NSUN7: variants seen among roughly 807,000 people sequenced by gnomAD.
NSUN7 encodes the protein NOP2/Sun RNA methyltransferase family member 7, also known as protein NSUN7.
NSUN7 carries 39 observed loss-of-function variants against 58.5 expected under a neutral mutation model. That is an observed-to-expected ratio of 0.67 (90% confidence interval 0.52 to 0.87). The LOEUF is 0.87. NSUN7 is among the 40% of genes least tolerant of loss of function. The pLI, the probability that NSUN7 is intolerant of heterozygous loss-of-function variation, is 0.00. For synonymous variants in NSUN7, 278 were observed against 303.7 expected (o/e 0.92, Z 0.88); for missense variants, 765 against 844.1 (o/e 0.91, Z 1.16).
rs543015200 is a variant in NSUN7 at position 40,776,736 on chromosome 4, C to T, written c.1036+477C>T. ...GCTCAAGAGGTCCTCCAACCTCAGC[C>T]TCCCAAGTAGCTGTGACTACAGGCT... On this transcript the variant is annotated intron_variant, in intron 7 of 11. Coordinates refer to ENST00000381782, the MANE Select transcript of NSUN7 (RefSeq NM_024677.6). 2.0e-5 allele frequency among the ~76,000 whole-genome samples: 3 copies of T among 152,108 alleles called. No individual in the cohort carries two copies. The East Asian group carries it at 5.8e-4, about 29-fold the overall frequency.
At chr4:40,801,901 CAAAA>C (rs56868885) in intron 10 of NSUN7, among the ~76,000 whole-genome samples, 1 of 107,406 alleles carries the variant, frequency 9.3e-6, no homozygotes, top group East Asian at 2.7e-4. Context: ...GACTCTGTCT[CAAAA>C]AAAAAAAAAA....
chr4:40,754,030 T>C (rs1337337639), intron 2 of NSUN7, among the ~76,000 whole-genome samples: 1 of 152,200 alleles, frequency 6.6e-6, no homozygotes, highest in African/African-American at 2.4e-5. Flanking sequence ...AGCATAAAAA[T>C]GGACTAATAC....
chr4:40,788,368 A>C (rs1036940474), intron 7 of NSUN7, among the ~76,000 whole-genome samples: 9 of 152,248 alleles, frequency 5.9e-5, no homozygotes, highest in African/African-American at 2.2e-4. Context: ...AAAGAAATCT[A>C]AAAGCCAATT....
rs545916108 is a variant in NSUN7 at position 40,750,913 on chromosome 4, C to A, written c.220C>A (p.Pro74Thr). Residue 74 changes from proline (P) to threonine (T), a missense_variant, in exon 2 of 12, where the codon CCC (proline) becomes ACC (threonine). Pro to Thr is a conservative substitution (Grantham distance 38, BLOSUM62 -1). Coordinates refer to ENST00000381782, the MANE Select transcript of NSUN7 (RefSeq NM_024677.6). Reference sequence around the variant, plus strand: ...AGTCTTAATCAAGTATGGGAATGAACCCCTGCGGTCCTTGTCCGAGTCTGA... The same window carrying A: ...AGTCTTAATCAAGTATGGGAATGAAACCCTGCGGTCCTTGTCCGAGTCTGA... ...QKVLIKYGNE[P>T]LRSLSESEDQ... 4.3e-6 allele frequency: 7 copies of A among 1,614,064 alleles called. 1 individual carries two copies. In the Middle Eastern group the frequency reaches 4.9e-4, roughly 114 times the overall value.
intron 8 of NSUN7, among the ~76,000 whole-genome samples, chr4:40,792,763 A>AAAG (rs34948504): frequency 0.51 from 77,182 of 150,644 alleles, 20,015 homozygotes; most frequent in Admixed American, 0.61. Context: ...TAAAAAAAAA[A>AAAG]AAGTTGTCGT....
chr4:40,786,743 T>C lies in NSUN7; in HGVS notation c.1037-3859T>C, dbSNP rs1021156082. 5.3e-6 allele frequency: 8 copies of C among 1,522,174 alleles called. No homozygotes were observed. In the Admixed American group the frequency reaches 1.6e-4, roughly 30 times the overall value. The allele number at this position is 1,522,174 out of a possible 1,614,324, so 94.3% of individuals were successfully genotyped here. A position where few individuals can be genotyped will look rare whatever the true frequency, so the allele number is the denominator to read the frequency against. ...CAATACCTATTATATCTGTGTGGAGTAGGTTTTCTCTGGTCTGATTTTGAC... is the reference window on the plus strand; with the variant it reads ...CAATACCTATTATATCTGTGTGGAGCAGGTTTTCTCTGGTCTGATTTTGAC... On this transcript the variant is annotated intron_variant, in intron 7 of 11. Transcript: ENST00000381782.
chr4:40,783,191 T>C (rs1357150246), intron 7 of NSUN7, among the ~76,000 whole-genome samples: 6 of 152,176 alleles, frequency 3.9e-5, no homozygotes, highest in Non-Finnish European at 7.3e-5. Flanking sequence ...TGGAACAAAA[T>C]TGAAAGTTCA....
chr4:40,789,615 T>G (rs2437316), intron 7 of NSUN7, among the ~76,000 whole-genome samples: 2 of 151,430 alleles, frequency 1.3e-5, no homozygotes, highest in African/African-American at 4.9e-5. Flanking sequence ...CAAGATTGAC[T>G]GTGAATGGTT....
intron 7 of NSUN7, among the ~76,000 whole-genome samples, chr4:40,780,051 C>G (rs62302835): frequency 6.6e-6 from 1 of 152,010 alleles, no homozygotes; most frequent in Non-Finnish European, 1.5e-5. Context: ...GGAGGCAAGG[C>G]AGGAGGATCA....
intron 8 of NSUN7, 21 bp downstream of exon 8, chr4:40,790,766 A>G: frequency 1.3e-6 from 2 of 1,500,530 alleles, no homozygotes; most frequent in Non-Finnish European, 1.8e-6. Flanking sequence ...TAATTTCTAA[A>G]TTATTGAAAT....
chr4:40,793,066 AATAG>A (rs1289546537), intron 8 of NSUN7, among the ~76,000 whole-genome samples: 1 of 152,246 alleles, frequency 6.6e-6, no homozygotes, highest in Non-Finnish European at 1.5e-5. Context: ...GAATTAAAGA[AATAG>A]ATAATACGAC....
rs559180227 is a variant in NSUN7 at position 40,808,668 on chromosome 4, A to G, written c.1886A>G (p.Glu629Gly). 1 of 1,551,862 alleles carries G rather than the reference A, an allele frequency of 6.4e-7. No individual in the cohort carries two copies. Among genetic ancestry groups the G allele is most frequent in the Middle Eastern group, 1.7e-4 (1 of 5,996 alleles). Residue 629 changes from glutamate to glycine, a missense_variant, in exon 12 of 12, where the codon GAA becomes GGA. Glu to Gly is a moderately conservative substitution (Grantham distance 98, BLOSUM62 -2). Coordinates refer to ENST00000381782, the MANE Select transcript of NSUN7 (RefSeq NM_024677.6). ...VKNTCPSRPR[E>G]RQTHFLRPRP... ...AACACTTGTCCCTCCAGACCGCGTG[A>G]ACGGCAGACACACTTCTTAAGACCT... is the stretch of plus-strand genomic sequence containing the variant.
intron 7 of NSUN7, among the ~76,000 whole-genome samples, chr4:40,785,899 C>T (rs1024879978): frequency 6.6e-6 from 1 of 152,232 alleles, no homozygotes; most frequent in African/African-American, 2.4e-5. Flanking sequence ...TGGCGCGCGG[C>T]GCCTGCCAGG....
At chr4:40,803,775 G>A (rs79858583) in intron 10 of NSUN7, among the ~76,000 whole-genome samples, 23 of 152,180 alleles carry the variant, frequency 1.5e-4, no homozygotes, top group Admixed American at 2.6e-4. Flanking sequence ...CCTTCTTTGC[G>A]TGTGGTCATC....
At chr4:40,772,356 C>T (rs964543172) in intron 4 of NSUN7, among the ~76,000 whole-genome samples, 6 of 152,054 alleles carry the variant, frequency 3.9e-5, no homozygotes, top group Non-Finnish European at 5.9e-5. Context: ...TAATATAGAA[C>T]AGTAACTCAC....
intron 4 of NSUN7, among the ~76,000 whole-genome samples, chr4:40,763,949 T>C (rs1407586671): frequency 6.6e-6 from 1 of 152,188 alleles, no homozygotes; most frequent in Admixed American, 6.5e-5. Flanking sequence ...ATAGGAGAAA[T>C]GCCTATGTTT....
At chr4:40,796,501 C>T (rs1030453175) in intron 9 of NSUN7, among the ~76,000 whole-genome samples, 6 of 151,860 alleles carry the variant, frequency 4.0e-5, no homozygotes, top group Non-Finnish European at 8.8e-5. Flanking sequence ...GTTATCTAGG[C>T]ATGGGGGCAT....
In NSUN7 at chr4:40,750,244, C is replaced by G. The variant is rs1740738501; in HGVS notation, c.-148C>G. The G allele has an allele frequency of 6.3e-6, 1 of 157,926 alleles. No individual in the cohort carries two copies. Among genetic ancestry groups the G allele is most frequent in the Non-Finnish European group, 1.4e-5 (1 of 71,898 alleles). The allele number at this position is 157,926 out of a possible 1,614,324, so 9.8% of individuals were successfully genotyped here. A position where few individuals can be genotyped will look rare whatever the true frequency, so the allele number is the denominator to read the frequency against. ...TCCCGGGGCTCCCAAGGGCCTGTGA[C>G]CGACGCCGCCCTCCGCGTCTTCGTC... On this transcript the variant is annotated 5_prime_UTR_variant, in exon 1 of 12. Coordinates refer to ENST00000381782, the MANE Select transcript of NSUN7 (RefSeq NM_024677.6).
intron 2 of NSUN7, among the ~76,000 whole-genome samples, chr4:40,756,893 C>A (rs970141108): frequency 9.2e-5 from 14 of 152,208 alleles, no homozygotes; most frequent in Non-Finnish European, 1.8e-4. Flanking sequence ...ACCCATACAA[C>A]CATTCTGTGT....
Sources: allele counts gnomAD v4.1 joint callset (sites outside exome capture counted in the v4.1 genomes callset), GRCh38; gene constraint gnomAD v4.1.1; transcripts MANE v1.5; gene names NCBI Gene and HGNC (gene_info 2026-07-23, HGNC 2026-07-21).